ASIC2: variants seen among roughly 807,000 people sequenced by gnomAD.
ASIC2 encodes acid sensing ion channel subunit 2.
ASIC2 carries 25 observed loss-of-function variants against 57.3 expected under a neutral mutation model. The ratio of observed to expected loss-of-function variants is 0.44; its 90% CI spans 0.32 to 0.61. The LOEUF is 0.61. ASIC2 is among the 20% of genes least tolerant of loss of function. The probability of loss-of-function intolerance (pLI) is 0.06; values close to 1 mark genes in which losing one functional copy is unlikely to be tolerated. For missense variants in ASIC2, 641 were observed against 738.1 expected, an observed-to-expected ratio of 0.87 and a Z score of 1.52; for synonymous variants, 319 against 307.5, an observed-to-expected ratio of 1.04 and a Z score of -0.39.
chr17:33,373,573 A>G (rs1028656746), intron 1 of ASIC2, among the ~76,000 whole-genome samples: 1 of 152,246 alleles, frequency 6.6e-6, no homozygotes, highest in African/African-American at 2.4e-5. Flanking sequence ...TGCAGTTTCT[A>G]TAATCCCTTA....
intron 1 of ASIC2, among the ~76,000 whole-genome samples, chr17:34,090,756 G>A (rs969868061): frequency 1.1e-4 from 17 of 152,114 alleles, no homozygotes; most frequent in African/African-American, 4.8e-5. Flanking sequence ...TCTGGGCTGG[G>A]ACCCCAAAAG....
chr17:34,088,885 C>T (rs897149728), intron 1 of ASIC2, among the ~76,000 whole-genome samples: 5 of 152,174 alleles, frequency 3.3e-5, no homozygotes, highest in Non-Finnish European at 5.9e-5. Flanking sequence ...TTAAGCCCGT[C>T]GGAAAAGCGC....
chr17:33,115,410 AG>A (rs2092277090), intron 1 of ASIC2, among the ~76,000 whole-genome samples: 1 of 152,150 alleles, frequency 6.6e-6, no homozygotes, highest in Non-Finnish European at 1.5e-5. Context: ...TTTAGGATGA[AG>A]CCCCCAGTCC....
intron 1 of ASIC2, among the ~76,000 whole-genome samples, chr17:33,874,859 C>T (rs1914511914): frequency 6.6e-6 from 1 of 152,190 alleles, no homozygotes. Flanking sequence ...CTTTTTCTAA[C>T]CATGTGGCTG....
rs990586758 is a variant in ASIC2 at position 33,292,813 on chromosome 17, C to G, written c.-698G>C. The stretch of plus-strand genomic sequence containing the variant: ...TTGTTACTGCTCCCTGGGCTGCGCT[C>G]GGCAGAGACCTGCTTAGGCTTCCCC... On this transcript the variant is annotated 5_prime_UTR_variant, in exon 1 of 10. Transcript: ENST00000225823. 2.4e-5 allele frequency: 24 copies of G among 985,716 alleles called. No individual in the cohort carries two copies. In the Admixed American group the frequency reaches 1.3e-3, roughly 53 times the overall value. 61.1% of individuals were successfully genotyped at this position (985,716 alleles called of 1,614,324 possible).
intron 1 of ASIC2, among the ~76,000 whole-genome samples, chr17:33,760,766 G>T (rs973993198): frequency 1.3e-5 from 2 of 152,072 alleles, no homozygotes; most frequent in African/African-American, 4.8e-5. Context: ...TGATGAGGGA[G>T]TTGATTTTTG....
At chr17:34,068,974 A>G (rs1013950324) in intron 1 of ASIC2, among the ~76,000 whole-genome samples, 1 of 152,122 alleles carries the variant, frequency 6.6e-6, no homozygotes, top group African/African-American at 2.4e-5. Flanking sequence ...TGAGTGACAA[A>G]CCCATTAGCC....
intron 1 of ASIC2, among the ~76,000 whole-genome samples, chr17:33,917,183 C>A (rs2141962587): frequency 6.6e-6 from 1 of 152,238 alleles, no homozygotes; most frequent in Non-Finnish European, 1.5e-5. Flanking sequence ...GGCCTGCACT[C>A]TGCTGTATCC....
intron 1 of ASIC2, among the ~76,000 whole-genome samples, chr17:33,151,904 G>A (rs1904815230): frequency 6.6e-6 from 1 of 152,218 alleles, no homozygotes. Context: ...TAATCACCCT[G>A]TGTTAAGTCA....
At chr17:34,134,917 C>A (rs9903975) in intron 1 of ASIC2, among the ~76,000 whole-genome samples, 21,496 of 152,126 alleles carry the variant, frequency 0.14, 1,884 homozygotes, top group African/African-American at 0.25. Context: ...CAGTTCATAC[C>A]CCTCACTCTG....
At chr17:33,961,582 C>T (rs577807606) in intron 1 of ASIC2, among the ~76,000 whole-genome samples, 67 of 150,096 alleles carry the variant, frequency 4.5e-4, no homozygotes, top group Non-Finnish European at 8.2e-4. Context: ...GAGGTGTTTA[C>T]TGTTTGGATT....
chr17:33,799,455 TTTCTTTCTTTC>T (rs1912056532), intron 1 of ASIC2, among the ~76,000 whole-genome samples: 1 of 109,614 alleles, frequency 9.1e-6, no homozygotes, highest in East Asian at 2.2e-4. Context: ...TCTTTCTTTC[TTTCTTTCTTTC>T]TTTCTTTCTT....
chr17:33,339,878 T>C (rs2142235622), intron 1 of ASIC2, among the ~76,000 whole-genome samples: 1 of 152,252 alleles, frequency 6.6e-6, no homozygotes, highest in Non-Finnish European at 1.5e-5. Flanking sequence ...TTGCTGTAGG[T>C]CATTTGTTAG....
At chr17:33,365,311 CT>C (rs2141934259) in intron 1 of ASIC2, among the ~76,000 whole-genome samples, 1 of 152,256 alleles carries the variant, frequency 6.6e-6, no homozygotes, top group African/African-American at 2.4e-5. Context: ...TCTTCTCATG[CT>C]GCATAAGTAT....
At chr17:33,864,320 TATAA>T (rs1195054794) in intron 1 of ASIC2, among the ~76,000 whole-genome samples, 1 of 152,210 alleles carries the variant, frequency 6.6e-6, no homozygotes, top group East Asian at 1.9e-4. Flanking sequence ...AAAAATGTCG[TATAA>T]ATAATAGCGT....
intron 1 of ASIC2, among the ~76,000 whole-genome samples, chr17:33,782,388 T>C (rs1419134813): frequency 1.3e-5 from 2 of 151,986 alleles, no homozygotes; most frequent in African/African-American, 4.8e-5. Context: ...TTGCTCAATT[T>C]CCATTTGTTA....
At chr17:33,768,248 C>T (rs915135262) in intron 1 of ASIC2, among the ~76,000 whole-genome samples, 13 of 152,142 alleles carry the variant, frequency 8.5e-5, no homozygotes, top group African/African-American at 3.1e-4. Context: ...CCTCGTGATT[C>T]GCCTGCCTCA....
chr17:33,638,798 T>A (rs1306072136), intron 1 of ASIC2, among the ~76,000 whole-genome samples: 1 of 152,028 alleles, frequency 6.6e-6, no homozygotes, highest in Non-Finnish European at 1.5e-5. Context: ...CTGAACAGAA[T>A]AAGCCAAAAC....
chr17:33,751,780 C>A (rs1910440753), intron 1 of ASIC2, among the ~76,000 whole-genome samples: 1 of 152,078 alleles, frequency 6.6e-6, no homozygotes, highest in Non-Finnish European at 1.5e-5. Context: ...ATTACTCCAG[C>A]TGATGGAGGG....
Sources: allele counts gnomAD v4.1 joint callset (sites outside exome capture counted in the v4.1 genomes callset), GRCh38; gene constraint gnomAD v4.1.1; transcripts MANE v1.5; gene names NCBI Gene and HGNC (gene_info 2026-07-23, HGNC 2026-07-21).